The following RALYL variants were observed in gnomAD, a reference collection of about 807,000 sequenced individuals.
RALYL encodes RALY RNA binding protein like.
In RALYL, 29 loss-of-function variants were observed where a neutral mutation model predicts 35.1. That is an observed-to-expected ratio of 0.83 (90% CI 0.61 to 1.13). The LOEUF (loss-of-function observed/expected upper bound fraction) is 1.13. Ranked by LOEUF, RALYL falls within the 50% of genes most tolerant of loss-of-function variation. RALYL has a pLI of 0.00. For missense variants in RALYL, 359 were observed against 360.4 expected (o/e 1.00, Z 0.03); for synonymous variants, 120 against 127.6 (o/e 0.94, Z 0.40).
chr8:84,542,292 T>A (rs926656601), intron 2 of RALYL, among the ~76,000 whole-genome samples: 1 of 152,136 alleles, frequency 6.6e-6, no homozygotes, highest in South Asian at 2.1e-4. Context: ...TCAGATTACA[T>A]CATTTAATCT....
chr8:84,843,914 T>A (rs1014796761), intron 4 of RALYL, among the ~76,000 whole-genome samples: 1 of 152,222 alleles, frequency 6.6e-6, no homozygotes, highest in Non-Finnish European at 1.5e-5. Context: ...TGGCTAGCCA[T>A]ATGTAGAAAG....
intron 2 of RALYL, among the ~76,000 whole-genome samples, chr8:84,712,306 C>T (rs771574348): frequency 3.3e-5 from 5 of 152,098 alleles, no homozygotes; most frequent in African/African-American, 1.2e-4. Context: ...GGAGCAGAGA[C>T]GTACAAAGGC....
Position 84,183,642 on chromosome 8 carries a change from G to GT in RALYL, c.-798dup, listed in dbSNP as rs921251310. ...TTTTTGTCCTTTTTTTTGGTTTTTT[G>GT]TTTTTTTTGTTTTTGTTTTTTTTCT... On this transcript the variant is annotated 5_prime_UTR_variant, in exon 1 of 9. Transcript: ENST00000521268. The GT allele has an allele frequency of 6.5e-4, 98 of 150,894 alleles. No homozygotes were observed. The highest frequency in any genetic ancestry group is 3.4e-3 in the Middle Eastern group (1 of 296). The allele number at this position is 150,894 out of a possible 1,614,324, so 9.3% of individuals were successfully genotyped here.
chr8:84,895,547 C>G (rs1021980897), intron 8 of RALYL, among the ~76,000 whole-genome samples: 1 of 152,168 alleles, frequency 6.6e-6, no homozygotes, highest in Non-Finnish European at 1.5e-5. Flanking sequence ...GAGTCTCTCT[C>G]TGTTGCCCAA....
intron 3 of RALYL, among the ~76,000 whole-genome samples, chr8:84,785,054 T>G (rs1819065533): frequency 6.6e-6 from 1 of 152,216 alleles, no homozygotes; most frequent in South Asian, 2.1e-4. Flanking sequence ...GGGGCTTGTT[T>G]GAAATAAGCG....
intron 1 of RALYL, among the ~76,000 whole-genome samples, chr8:84,239,040 G>C (rs1827264017): frequency 6.6e-6 from 1 of 152,174 alleles, no homozygotes; most frequent in Non-Finnish European, 1.5e-5. Context: ...ATAATGACCT[G>C]AGATGTGCAG....
In RALYL at chr8:84,538,594, A is replaced by G. The variant is rs181785267; in HGVS notation, c.256+9017A>G. Among the ~76,000 whole-genome samples the G allele has an allele frequency of 2.4e-3, 363 of 152,320 alleles. 3 individuals are homozygous for G. The highest frequency in any genetic ancestry group is 8.2e-3 in the African/African-American group (343 of 41,586). ...ACCAAAATGAAATAACATAAAATAT[A>G]AAGTAAAATAATAAAACAAAATAGA... is the stretch of plus-strand genomic sequence containing the variant. On this transcript the variant is annotated intron_variant, in intron 2 of 8. Coordinates refer to ENST00000521268, the MANE Select transcript of RALYL (RefSeq NM_173848.7).
intron 1 of RALYL, among the ~76,000 whole-genome samples, chr8:84,435,812 T>A (rs1227332698): frequency 1.3e-5 from 2 of 152,162 alleles, no homozygotes; most frequent in African/African-American, 4.8e-5. Flanking sequence ...GGCATTGAAC[T>A]GTGTTTCAGG....
At chr8:84,784,738 A>G (rs931455185) in intron 3 of RALYL, among the ~76,000 whole-genome samples, 22 of 152,162 alleles carry the variant, frequency 1.4e-4, no homozygotes, top group Admixed American at 2.6e-4. Flanking sequence ...AATTATAAGT[A>G]CTAGAAGTGA....
At chr8:84,439,096 T>C (rs1000912239) in intron 1 of RALYL, among the ~76,000 whole-genome samples, 1 of 152,126 alleles carries the variant, frequency 6.6e-6, no homozygotes, top group African/African-American at 2.4e-5. Context: ...ACGTTAATTT[T>C]AGATTTTTTT....
At chr8:84,701,741 G>T (rs976986169) in intron 2 of RALYL, among the ~76,000 whole-genome samples, 1 of 152,088 alleles carries the variant, frequency 6.6e-6, no homozygotes, top group Non-Finnish European at 1.5e-5. Flanking sequence ...GTCAGCTCTG[G>T]CTCCAAACTT....
intron 2 of RALYL, among the ~76,000 whole-genome samples, chr8:84,753,146 A>G (rs1185984853): frequency 6.6e-6 from 1 of 152,164 alleles, no homozygotes; most frequent in Non-Finnish European, 1.5e-5. Context: ...CATGGAGTCA[A>G]AGGAGATTAT....
intron 8 of RALYL, among the ~76,000 whole-genome samples, chr8:84,917,065 T>C (rs1372812703): frequency 6.6e-6 from 1 of 152,158 alleles, no homozygotes; most frequent in Non-Finnish European, 1.5e-5. Context: ...TACAGTAACT[T>C]AAATTCTATG....
chr8:84,839,881 A>G (rs1370049411), intron 4 of RALYL, among the ~76,000 whole-genome samples: 1 of 152,214 alleles, frequency 6.6e-6, no homozygotes, highest in Non-Finnish European at 1.5e-5. Flanking sequence ...CCTCCAGCAA[A>G]CTCCAACAGA....
At chr8:84,748,148 CT>C (rs945657619) in intron 2 of RALYL, among the ~76,000 whole-genome samples, 2 of 151,928 alleles carry the variant, frequency 1.3e-5, no homozygotes, top group Non-Finnish European at 2.9e-5. Flanking sequence ...ATCTTACTAA[CT>C]GAAAGGATTC....
chr8:84,314,243 C>T (rs1320409163), intron 1 of RALYL, among the ~76,000 whole-genome samples: 1 of 152,038 alleles, frequency 6.6e-6, no homozygotes, highest in South Asian at 2.1e-4. Context: ...CCAGATCCCT[C>T]CCTTGACACG....
intron 1 of RALYL, among the ~76,000 whole-genome samples, chr8:84,525,337 C>T (rs2058798050): frequency 6.6e-6 from 1 of 152,044 alleles, no homozygotes; most frequent in Non-Finnish European, 1.5e-5. Flanking sequence ...TTAGTTGTAA[C>T]ATTTCTTTGA....
intron 1 of RALYL, among the ~76,000 whole-genome samples, chr8:84,251,578 G>A (rs1830210200): frequency 6.6e-6 from 1 of 151,794 alleles, no homozygotes; most frequent in South Asian, 2.1e-4. Context: ...ATTCCACTTT[G>A]TCTGAAATTG....
chr8:84,328,616 A>G (rs1846257822), intron 1 of RALYL, among the ~76,000 whole-genome samples: 3 of 152,122 alleles, frequency 2.0e-5, no homozygotes, highest in Non-Finnish European at 4.4e-5. Context: ...TTTATTTTTT[A>G]TAATTTCAAC....
Sources: allele counts gnomAD v4.1 joint callset (sites outside exome capture counted in the v4.1 genomes callset), GRCh38; gene constraint gnomAD v4.1.1; transcripts MANE v1.5; gene names NCBI Gene and HGNC (gene_info 2026-07-23, HGNC 2026-07-21).